The following RBFOX1 variants were observed in gnomAD, a reference collection of about 807,000 sequenced individuals.
The protein encoded by RBFOX1 is RNA binding protein fox-1 homolog 1.
RBFOX1 carries 8 observed loss-of-function variants against 57.7 expected under a neutral mutation model. The ratio of observed to expected loss-of-function variants is 0.14; its 90% CI spans 0.08 to 0.25. The LOEUF is 0.25. Ranked by LOEUF, RBFOX1 falls within the 10% of genes least tolerant of loss-of-function variation. The probability of loss-of-function intolerance (pLI) is 1.00; values close to 1 mark genes in which losing one functional copy is unlikely to be tolerated. For synonymous variants in RBFOX1, 326 were observed against 222.4 expected, an observed-to-expected ratio of 1.47 and a Z score of -4.15; for missense variants, 611 against 548.5, an observed-to-expected ratio of 1.11 and a Z score of -1.14.
chr16:7,212,822 G>C (rs374410034), intron 4 of RBFOX1, among the ~76,000 whole-genome samples: 1 of 152,128 alleles, frequency 6.6e-6, no homozygotes, highest in African/African-American at 2.4e-5. Context: ...ATGTATCCCA[G>C]AACTTAGAGT....
intron 13 of RBFOX1, among the ~76,000 whole-genome samples, chr16:7,669,831 A>G (rs1286745472): frequency 1.3e-5 from 2 of 152,132 alleles, no homozygotes; most frequent in African/African-American, 4.8e-5. Context: ...CCTTGCTTTC[A>G]GTGTGAGGTG....
chr16:7,109,910 C>T (rs140797783), intron 4 of RBFOX1, among the ~76,000 whole-genome samples: 59 of 152,142 alleles, frequency 3.9e-4, no homozygotes, highest in African/African-American at 1.4e-3. Context: ...AAAGAGCCCC[C>T]TATCAGGTAA....
chr16:6,427,954 G>T lies in RBFOX1; in HGVS notation c.-64+110897G>T, dbSNP rs2093977225. On this transcript the variant is annotated intron_variant, in intron 2 of 15. Transcript: ENST00000550418. ...GATAATTTATAGTATTGCTGTGAGG[G>T]CTCAGGAGTTAATGCATGAAAGCAC... 1.3e-5 allele frequency among the ~76,000 whole-genome samples: 2 copies of T among 152,222 alleles called. 1 individual carries two copies. The highest frequency in any genetic ancestry group is 4.2e-4 in the South Asian group (2 of 4,814).
At chr16:5,718,247 A>G (rs371051016) in intron 3 of RBFOX1, among the ~76,000 whole-genome samples, 2 of 152,246 alleles carry the variant, frequency 1.3e-5, no homozygotes, top group South Asian at 4.1e-4. Context: ...AAGTACATTT[A>G]TTAAGAATCC....
intron 4 of RBFOX1, among the ~76,000 whole-genome samples, chr16:7,464,303 A>T (rs9928793): frequency 0.01 from 1,535 of 152,328 alleles, 35 homozygotes; most frequent in African/African-American, 0.036. Flanking sequence ...CATTAGTCAC[A>T]TCCAGAAACA....
chr16:7,598,606 A>C (rs1285001382), intron 9 of RBFOX1, among the ~76,000 whole-genome samples: 1 of 152,142 alleles, frequency 6.6e-6, no homozygotes, highest in Non-Finnish European at 1.5e-5. Flanking sequence ...AGCCGCTATT[A>C]CAGATTGTTG....
intron 3 of RBFOX1, among the ~76,000 whole-genome samples, chr16:6,904,835 A>G (rs2069419112): frequency 6.6e-6 from 1 of 152,060 alleles, no homozygotes; most frequent in African/African-American, 2.4e-5. Context: ...ATTTTGTTAG[A>G]GAAGAATTGT....
intron 4 of RBFOX1, among the ~76,000 whole-genome samples, chr16:7,182,421 C>T (rs1021055096): frequency 2.0e-5 from 3 of 152,154 alleles, no homozygotes; most frequent in African/African-American, 7.2e-5. Context: ...CGTTCATGTT[C>T]TTGGCTCGAA....
intron 4 of RBFOX1, among the ~76,000 whole-genome samples, chr16:7,270,611 C>T (rs1400595035): frequency 1.3e-5 from 2 of 152,154 alleles, no homozygotes; most frequent in Non-Finnish European, 2.9e-5. Flanking sequence ...GAAAATAGGT[C>T]TTAAAATTCA....
intron 3 of RBFOX1, among the ~76,000 whole-genome samples, chr16:5,648,345 A>G (rs879645776): frequency 1.3e-5 from 2 of 152,210 alleles, no homozygotes; most frequent in Non-Finnish European, 2.9e-5. Flanking sequence ...AGAGTAAGAG[A>G]ATGCATGCGA....
At chr16:5,688,967 C>G (rs995652976) in intron 3 of RBFOX1, among the ~76,000 whole-genome samples, 12 of 152,224 alleles carry the variant, frequency 7.9e-5, no homozygotes, top group African/African-American at 2.9e-4. Flanking sequence ...CCTCACAGCT[C>G]TACCTACCAA....
chr16:7,200,503 A>C (rs2088075266), intron 4 of RBFOX1, among the ~76,000 whole-genome samples: 2 of 152,190 alleles, frequency 1.3e-5, no homozygotes, highest in South Asian at 4.1e-4. Flanking sequence ...ATGATGTTGC[A>C]ATATACCCCA....
At chr16:6,928,124 C>T (rs1338079810) in intron 3 of RBFOX1, among the ~76,000 whole-genome samples, 4 of 152,072 alleles carry the variant, frequency 2.6e-5, no homozygotes, top group African/African-American at 9.7e-5. Flanking sequence ...GCAGATGGCA[C>T]AATTCTTAGT....
chr16:7,010,344 C>G (rs1045102756), intron 3 of RBFOX1, among the ~76,000 whole-genome samples: 10 of 152,298 alleles, frequency 6.6e-5, no homozygotes, highest in Non-Finnish European at 4.4e-5. Context: ...CAAACCCAGT[C>G]TGGTTAGACT....
chr16:6,843,360 C>G (rs2093591871), intron 3 of RBFOX1, among the ~76,000 whole-genome samples: 1 of 151,988 alleles, frequency 6.6e-6, no homozygotes, highest in Admixed American at 6.6e-5. Flanking sequence ...AAAAAAAATT[C>G]CTTACTTTTT....
At chr16:5,261,341 A>G (rs2062726501) in intron 1 of RBFOX1, among the ~76,000 whole-genome samples, 1 of 151,832 alleles carries the variant, frequency 6.6e-6, no homozygotes, top group Non-Finnish European at 1.5e-5. Context: ...TTATTTTTTA[A>G]TTTCTTGGCT....
intron 4 of RBFOX1, among the ~76,000 whole-genome samples, chr16:7,309,979 A>G (rs918581930): frequency 7.9e-5 from 12 of 152,174 alleles, no homozygotes; most frequent in Admixed American, 5.9e-4. Flanking sequence ...AAAGTTTCCT[A>G]TTGCCGGGTG....
intron 2 of RBFOX1, among the ~76,000 whole-genome samples, chr16:5,568,804 A>G (rs1218255641): frequency 6.6e-6 from 1 of 152,058 alleles, no homozygotes; most frequent in East Asian, 1.9e-4. Context: ...CTCCCACCAA[A>G]TGACTCAACC....
At chr16:6,495,047 G>A (rs991830569) in intron 2 of RBFOX1, among the ~76,000 whole-genome samples, 30 of 152,160 alleles carry the variant, frequency 2.0e-4, no homozygotes, top group Non-Finnish European at 7.3e-5. Context: ...TCACCACTTA[G>A]AGGTAGTCGG....
Sources: gnomAD v4.1 joint callset for allele counts (sites outside exome capture counted in the v4.1 genomes callset) on GRCh38, gnomAD v4.1.1 for gene constraint, MANE v1.5 for transcripts, NCBI Gene and HGNC (gene_info 2026-07-23, HGNC 2026-07-21) for gene names.